Variants in LRRC4C observed in about 807,000 individuals in gnomAD.
The protein encoded by LRRC4C is leucine-rich repeat-containing protein 4C.
In LRRC4C, 5 loss-of-function variants were observed where a neutral mutation model predicts 33.6. The ratio of observed to expected loss-of-function variants is 0.15; its 90% CI spans 0.08 to 0.31. The LOEUF (loss-of-function observed/expected upper bound fraction) is 0.31. LRRC4C is among the 10% of genes least tolerant of loss of function. LRRC4C has a pLI of 1.00. For missense variants in LRRC4C, 560 were observed against 796.7 expected, an observed-to-expected ratio of 0.70 and a Z score of 3.58; for synonymous variants, 329 against 302.0, an observed-to-expected ratio of 1.09 and a Z score of -0.93.
At chr11:40,226,351 A>G (rs1350753060) in intron 5 of LRRC4C, among the ~76,000 whole-genome samples, 2 of 152,038 alleles carry the variant, frequency 1.3e-5, no homozygotes, top group Non-Finnish European at 2.9e-5. Flanking sequence ...CCTATGACCA[A>G]TTTTCTACAA....
chr11:41,088,486 T>C (rs868450009), intron 1 of LRRC4C, among the ~76,000 whole-genome samples: 13 of 152,150 alleles, frequency 8.5e-5, no homozygotes, highest in Non-Finnish European at 1.8e-4. Flanking sequence ...ATCAACTGTA[T>C]CAATTATACA....
intron 2 of LRRC4C, among the ~76,000 whole-genome samples, chr11:40,839,980 A>C (rs932184167): frequency 6.6e-6 from 1 of 152,154 alleles, no homozygotes; most frequent in African/African-American, 2.4e-5. Context: ...ACTATAATTC[A>C]TTTTTTCCCA....
intron 3 of LRRC4C, among the ~76,000 whole-genome samples, chr11:40,554,050 C>T (rs1486677631): frequency 6.6e-6 from 1 of 152,026 alleles, no homozygotes; most frequent in Admixed American, 6.6e-5. Flanking sequence ...GTAGGTTTTC[C>T]TCTAGGATTT....
At chr11:40,250,932 AT>A (rs1866740807) in intron 4 of LRRC4C, among the ~76,000 whole-genome samples, 1 of 152,170 alleles carries the variant, frequency 6.6e-6, no homozygotes, top group Admixed American at 6.5e-5. Context: ...GCCTGCCTAC[AT>A]TTATCTATTT....
At chr11:40,448,265 A>G (rs1951728936) in intron 3 of LRRC4C, among the ~76,000 whole-genome samples, 1 of 152,226 alleles carries the variant, frequency 6.6e-6, no homozygotes, top group Non-Finnish European at 1.5e-5. Context: ...AAAAATTATT[A>G]TTATGCATTA....
chr11:40,128,313 C>T (rs1045325083), intron 6 of LRRC4C, among the ~76,000 whole-genome samples: 2 of 152,182 alleles, frequency 1.3e-5, no homozygotes, highest in Non-Finnish European at 2.9e-5. Context: ...TCTTCTTTGA[C>T]TTTTCTTTTT....
chr11:40,215,619 G>T (rs1052820762), intron 5 of LRRC4C, among the ~76,000 whole-genome samples: 1 of 152,136 alleles, frequency 6.6e-6, no homozygotes, highest in Non-Finnish European at 1.5e-5. Context: ...TTGTTAGATT[G>T]ATTAGCCCAA....
chr11:41,000,397 T>G (rs1470162043), intron 1 of LRRC4C, among the ~76,000 whole-genome samples: 1 of 152,168 alleles, frequency 6.6e-6, no homozygotes, highest in African/African-American at 2.4e-5. Context: ...CCTATTAGAA[T>G]AGAGGTCACA....
chr11:40,925,483 T>C (rs1044786616), intron 2 of LRRC4C, among the ~76,000 whole-genome samples: 1 of 152,202 alleles, frequency 6.6e-6, no homozygotes, highest in Non-Finnish European at 1.5e-5. Flanking sequence ...CCTGCAAAAG[T>C]TGGTTAACCT....
At chr11:41,278,461 C>T (rs1949551680) in intron 1 of LRRC4C, among the ~76,000 whole-genome samples, 1 of 152,122 alleles carries the variant, frequency 6.6e-6, no homozygotes, top group African/African-American at 2.4e-5. Flanking sequence ...CTGTATACTT[C>T]AAAACGTTAT....
intron 3 of LRRC4C, among the ~76,000 whole-genome samples, chr11:40,542,044 C>CTCTCTT (rs1555096404): frequency 8.5e-5 from 7 of 81,974 alleles, no homozygotes; most frequent in Admixed American, 1.7e-4. Flanking sequence ...CTCTTTCTTT[C>CTCTCTT]TCTTTCTCTC....
At chr11:40,758,360 T>G (rs1398471319) in intron 2 of LRRC4C, among the ~76,000 whole-genome samples, 1 of 152,022 alleles carries the variant, frequency 6.6e-6, no homozygotes, top group Non-Finnish European at 1.5e-5. Context: ...GGTCCTCTCC[T>G]CCTGCTATGT....
intron 3 of LRRC4C, among the ~76,000 whole-genome samples, chr11:40,422,751 C>T (rs144372653): frequency 8.6e-5 from 13 of 151,082 alleles, no homozygotes; most frequent in African/African-American, 3.2e-4. Flanking sequence ...TTCTTTTTGG[C>T]CATCAGCCTT....
intron 1 of LRRC4C, among the ~76,000 whole-genome samples, chr11:41,368,841 A>T (rs1952639262): frequency 6.6e-6 from 1 of 152,228 alleles, no homozygotes; most frequent in South Asian, 2.1e-4. Flanking sequence ...TGCAGGAGGC[A>T]TACTTTTTTC....
chr11:41,435,398 A>G (rs1955391499), intron 1 of LRRC4C, among the ~76,000 whole-genome samples: 1 of 152,222 alleles, frequency 6.6e-6, no homozygotes, highest in African/African-American at 2.4e-5. Flanking sequence ...GACAAAAATT[A>G]TTAGACCCTA....
At chr11:40,847,002 G>A (rs1426239220) in intron 2 of LRRC4C, among the ~76,000 whole-genome samples, 1 of 152,130 alleles carries the variant, frequency 6.6e-6, no homozygotes, top group East Asian at 1.9e-4. Context: ...ATTGATTTTT[G>A]TATCCTGAGA....
At chr11:40,658,675 G>C (rs1943257583) in intron 2 of LRRC4C, among the ~76,000 whole-genome samples, 1 of 152,150 alleles carries the variant, frequency 6.6e-6, no homozygotes, top group African/African-American at 2.4e-5. Flanking sequence ...GTTCCTCTCT[G>C]GGGGTCCTTA....
chr11:40,328,441 C>T (rs1448289383), intron 3 of LRRC4C, among the ~76,000 whole-genome samples: 1 of 152,172 alleles, frequency 6.6e-6, no homozygotes, highest in Non-Finnish European at 1.5e-5. Flanking sequence ...AATACTTCCA[C>T]ACATTGTGTG....
chr11:40,154,634 C>T (rs758930929), intron 5 of LRRC4C, among the ~76,000 whole-genome samples: 3 of 152,094 alleles, frequency 2.0e-5, no homozygotes, highest in Non-Finnish European at 4.4e-5. Flanking sequence ...GGTAAAAGGC[C>T]TTGTCCCACA....
Sources: gnomAD v4.1 joint callset for allele counts (sites outside exome capture counted in the v4.1 genomes callset) on GRCh38, gnomAD v4.1.1 for gene constraint, MANE v1.5 for transcripts, NCBI Gene and HGNC (gene_info 2026-07-23, HGNC 2026-07-21) for gene names.